The following MX1 variants were observed in gnomAD, a reference collection of about 807,000 sequenced individuals.
The protein encoded by MX1 is interferon-induced GTP-binding protein Mx1.
A neutral mutation model predicts 66.4 loss-of-function variants in MX1; 66 were observed. That is an observed-to-expected ratio of 0.99 (90% CI 0.82 to 1.22). The LOEUF (loss-of-function observed/expected upper bound fraction) is 1.22. MX1 is among the 50% of genes most tolerant of loss of function. The probability of loss-of-function intolerance (pLI) is 0.00; values close to 1 mark genes in which losing one functional copy is unlikely to be tolerated. For synonymous variants in MX1, 311 were observed against 318.1 expected (o/e 0.98, Z 0.24); for missense variants, 787 against 834.3 (o/e 0.94, Z 0.70).
chr21:41,451,612 T>C (rs1369864287), intron 15 of MX1, among the ~76,000 whole-genome samples: 1 of 152,098 alleles, frequency 6.6e-6, no homozygotes, highest in East Asian at 1.9e-4. Flanking sequence ...GGCCGGTAGA[T>C]GACTTAAAGC....
At chr21:41,433,619 A>G (rs899776137) in intron 5 of MX1, among the ~76,000 whole-genome samples, 2 of 152,210 alleles carry the variant, frequency 1.3e-5, no homozygotes, top group African/African-American at 4.8e-5. Flanking sequence ...GCAATATACC[A>G]TTGTGGGAAA....
Position 41,441,694 on chromosome 21 carries a change from C to G in MX1, c.731-22C>G. ...GCCTCGTGACTGAGCACGTTCTCTCCCCAAATACATCTGGCTCGCAGGAAT... is the reference window on the plus strand; with the variant it reads ...GCCTCGTGACTGAGCACGTTCTCTCGCCAAATACATCTGGCTCGCAGGAAT... On this transcript the variant is annotated intron_variant, in intron 9 of 16. Coordinates refer to ENST00000398598, the MANE Select transcript of MX1 (RefSeq NM_002462.5). The surrounding 1 kb of genome is among the most constrained non-coding windows in gnomAD (Gnocchi z 4.0). 1 of 1,613,724 alleles carries G rather than the reference C, an allele frequency of 6.2e-7. No homozygotes were observed. Among genetic ancestry groups the G allele is most frequent in the Non-Finnish European group, 8.5e-7 (1 of 1,179,686 alleles).
chr21:41,422,824 C>G (rs960773653), upstream of MX1: 3 of 152,126 alleles, frequency 2.0e-5, no homozygotes, highest in Non-Finnish European at 4.4e-5. Flanking sequence ...ATAGCTCTAC[C>G]AATATGGAAC....
At chr21:41,435,496 G>A (rs1477477955) in intron 5 of MX1, among the ~76,000 whole-genome samples, 1 of 152,164 alleles carries the variant, frequency 6.6e-6, no homozygotes, top group Non-Finnish European at 1.5e-5. Flanking sequence ...AAGAAAAGAG[G>A]TTTAATTGAC....
At chr21:41,437,894 G>C (rs942728859) in intron 7 of MX1, among the ~76,000 whole-genome samples, 1 of 152,200 alleles carries the variant, frequency 6.6e-6, no homozygotes, top group Admixed American at 6.5e-5. Context: ...GACTGTGTTT[G>C]CATAATCCCA....
At chr21:41,436,933 A>G (rs2090379640) in intron 6 of MX1, 82 bp from the exon 7 acceptor site, 20 of 1,525,256 alleles carry the variant, frequency 1.3e-5, no homozygotes, top group Non-Finnish European at 1.8e-5. Flanking sequence ...GATTGTATAA[A>G]AGTTTGAGAA....
rs768925279 is a variant in MX1, at chr21:41,436,984, G to C, written c.299-31G>C. 6 of 1,612,466 alleles carry C rather than the reference G, an allele frequency of 3.7e-6. No individual in the cohort carries two copies. In the African/African-American group the frequency reaches 8.0e-5, roughly 22 times the overall value. ...GCTATGTAGGTCTTTTAAGAGCAAA[G>C]TGGAGCACTGATGTGGGCGTGGCCT... On this transcript the variant is annotated intron_variant, in intron 6 of 16. Transcript: ENST00000398598.
chr21:41,435,887 C>A lies in MX1; in HGVS notation c.156C>A (p.Cys52Ter). 3.1e-6 allele frequency: 5 copies of A among 1,614,192 alleles called. No individual in the cohort carries two copies. The highest frequency in any genetic ancestry group is 4.2e-6 in the Non-Finnish European group (5 of 1,180,020). ...CSQYEEKVRP[C>*]IDLIDSLRAL... ...AGTATGAGGAGAAGGTGCGCCCCTG[C>A]ATCGACCTCATTGACTCCCTGCGGG... The change falls in exon 6 of 17, where the codon TGC (cysteine) becomes TGA (stop). Residue 52 changes from cysteine to a stop codon, truncating the protein, a stop_gained. Transcript: ENST00000398598. LOFTEE classifies it high-confidence loss of function.
rs991603387 is a variant in MX1 at position 41,432,101 on chromosome 21, G to C, written c.31G>C (p.Ala11Pro). ...TGTTTCCGAAGTGGACATCGCAAAA[G>C]CTGATCCAGCTGCTGCATCCCACCC... MVVSEVDIAK[A>P]DPAAASHPLL... The change falls in exon 5 of 17, where the codon GCT (alanine) becomes CCT (proline). Residue 11 changes from alanine to proline, a missense_variant. Physicochemically the swap from Ala to Pro is conservative, Grantham distance 27 (BLOSUM62 -1). Transcript: ENST00000398598. 2 of 1,614,172 alleles carry C rather than the reference G, an allele frequency of 1.2e-6. No homozygotes were observed. The highest frequency in any genetic ancestry group is 1.3e-5 in the African/African-American group (1 of 75,066).
At chr21:41,456,032 A>G (rs1040223330) in intron 16 of MX1, among the ~76,000 whole-genome samples, 1 of 152,198 alleles carries the variant, frequency 6.6e-6, no homozygotes, top group Non-Finnish European at 1.5e-5. Flanking sequence ...TCTTGAGGCC[A>G]GGAGTTTGAG....
In MX1 at chr21:41,437,393, C is replaced by T. The variant is rs1308920468; in HGVS notation, c.436+241C>T. Among the ~76,000 whole-genome samples, 5 of 152,064 alleles carry T rather than the reference C, an allele frequency of 3.3e-5. No individual in the cohort carries two copies. In the South Asian group the frequency reaches 8.3e-4, roughly 25 times the overall value. On this transcript the variant is annotated intron_variant, in intron 7 of 16. Transcript: ENST00000398598. ...GTGGCTTGTGCCTGTAATCCCAGCT[C>T]TTTGGGAGGCTGACACGGGGGGATT...
At chr21:41,437,205 CTGTT>C (rs1568975904) in intron 7 of MX1, 53 bp downstream of exon 7, 8 of 1,595,416 alleles carry the variant, frequency 5.0e-6, no homozygotes, top group Admixed American at 1.7e-5. Flanking sequence ...TGCATGGGGT[CTGTT>C]TGTAACTGTT....
chr21:41,437,604 G>A (rs1240329868), intron 7 of MX1, among the ~76,000 whole-genome samples: 1 of 152,150 alleles, frequency 6.6e-6, no homozygotes, highest in East Asian at 1.9e-4. Context: ...TCTTGCTACG[G>A]CACTCTAGCC....
rs1303247515 is a variant in MX1, at chr21:41,441,724, A to C, written c.739A>C (p.Thr247Pro). 6.2e-7 allele frequency: 1 copy of C among 1,614,062 alleles called. No individual in the cohort carries two copies. Among genetic ancestry groups the C allele is most frequent in the Non-Finnish European group, 8.5e-7 (1 of 1,180,050 alleles). The stretch of plus-strand genomic sequence containing the variant: ...ATACATCTGGCTCGCAGGAATCTTG[A>C]CGAAGCCTGATCTGGTGGACAAAGG... ...PEGDRTIGIL[T>P]KPDLVDKGTE... The change falls in exon 10 of 17, where the codon ACG (threonine) becomes CCG (proline). Residue 247 changes from threonine (T) to proline (P), a missense_variant. Thr to Pro is a conservative substitution (Grantham distance 38). Transcript: ENST00000398598. This position sits in a 1 kb window ranked among gnomAD's most constrained non-coding sequence, Gnocchi z 4.0.
At chr21:41,427,432 A>G (rs1213926030) in intron 2 of MX1, 128 bp downstream of exon 2, 2 of 152,282 alleles carry the variant, frequency 1.3e-5, no homozygotes, top group Non-Finnish European at 2.9e-5. Context: ...GTCCTGCAAG[A>G]GTTAGTTTTA....
Position 41,441,525 on chromosome 21 carries a change from C to A in MX1, c.731-191C>A. On this transcript the variant is annotated intron_variant, in intron 9 of 16. Coordinates refer to ENST00000398598, the MANE Select transcript of MX1 (RefSeq NM_002462.5). The surrounding 1 kb of genome is among the most constrained non-coding windows in gnomAD (Gnocchi z 4.0). Reference sequence around the variant, plus strand: ...ATGCTGTTCTGGGAGGCATCCCTGCCTTCACGCGGCTTGTCGTGGAGTTCT... The same window carrying A: ...ATGCTGTTCTGGGAGGCATCCCTGCATTCACGCGGCTTGTCGTGGAGTTCT... 1.6e-6 allele frequency: 1 copy of A among 619,364 alleles called. No homozygotes were observed. The highest frequency in any genetic ancestry group is 1.8e-5 in the African/African-American group (1 of 54,486). 38.4% of individuals were successfully genotyped at this position (619,364 alleles called of 1,614,324 possible).
At chr21:41,440,677 C>T (rs2090481746) in intron 8 of MX1, among the ~76,000 whole-genome samples, 1 of 152,162 alleles carries the variant, frequency 6.6e-6, no homozygotes, top group Non-Finnish European at 1.5e-5. Flanking sequence ...GCCTATAGCT[C>T]TGCTTCTGCC....
At chr21:41,440,272 G>A (rs1339857268) in intron 8 of MX1, among the ~76,000 whole-genome samples, 1 of 152,180 alleles carries the variant, frequency 6.6e-6, no homozygotes, top group Non-Finnish European at 1.5e-5. Context: ...GCTGAGGCAG[G>A]AGGATTCCTT....
At chr21:41,423,832 G>A (rs940628066), upstream of MX1, among the ~76,000 whole-genome samples, 27 of 152,350 alleles carry the variant, frequency 1.8e-4, no homozygotes, top group African/African-American at 6.3e-4. Flanking sequence ...CGGTGGACAA[G>A]GGAAGTGCCT....
Sources: allele counts gnomAD v4.1 joint callset (sites outside exome capture counted in the v4.1 genomes callset), GRCh38; gene constraint gnomAD v4.1.1; non-coding constraint Gnocchi (gnomAD v3.1); transcripts MANE v1.5; gene names NCBI Gene and HGNC (gene_info 2026-07-23, HGNC 2026-07-21).